Variants in TRIP4 observed in about 807,000 individuals in gnomAD.
The protein encoded by TRIP4 is thyroid hormone receptor interactor 4.
A neutral mutation model predicts 81.8 loss-of-function variants in TRIP4; 54 were observed. The ratio of observed to expected loss-of-function variants is 0.66; its 90% confidence interval spans 0.53 to 0.83. The LOEUF (loss-of-function observed/expected upper bound fraction) is 0.83. Among genes scored for constraint, TRIP4 ranks in the 40% least tolerant of loss-of-function variants. TRIP4 has a pLI of 0.00. For synonymous variants in TRIP4, 270 were observed against 242.8 expected, an observed-to-expected ratio of 1.11 and a Z score of -1.04; for missense variants, 662 against 683.6, an observed-to-expected ratio of 0.97 and a Z score of 0.35.
chr15:64,436,081 G>A (rs2140307991), intron 11 of TRIP4, among the ~76,000 whole-genome samples: 1 of 152,010 alleles, frequency 6.6e-6, no homozygotes, highest in East Asian at 1.9e-4. Flanking sequence ...GATCACCTGA[G>A]GTCAGGAGTT....
chr15:64,418,627 G>C lies in TRIP4; in HGVS notation c.1257G>C (p.Gln419His). ...TAGAGTTCAACTCATTTCAGCACCAGTTGCGAATCCAGGATCAAGAATTTC... is the reference window on the plus strand; with the variant it reads ...TAGAGTTCAACTCATTTCAGCACCACTTGCGAATCCAGGATCAAGAATTTC... Reference protein sequence around the residue: ...FGLEFNSFQHQLRIQDQEFQE... With the variant: ...FGLEFNSFQHHLRIQDQEFQE... Residue 419 changes from glutamine (Q) to histidine (H), a missense_variant, in exon 9 of 13, where the codon CAG becomes CAC. Coordinates refer to ENST00000261884, the MANE Select transcript of TRIP4 (RefSeq NM_016213.5). 3 of 1,613,954 alleles carry C rather than the reference G, an allele frequency of 1.9e-6. No individual in the cohort carries two copies. Among genetic ancestry groups the C allele is most frequent in the Non-Finnish European group, 1.7e-6 (2 of 1,180,034 alleles).
chr15:64,447,524 G>A (rs896164957), intron 12 of TRIP4, among the ~76,000 whole-genome samples: 7 of 152,318 alleles, frequency 4.6e-5, no homozygotes, highest in Admixed American at 3.9e-4. Context: ...AATGCTTAGA[G>A]TAGGAATTTA....
Position 64,409,774 on chromosome 15 carries a change from T to C in TRIP4, c.989T>C (p.Phe330Ser), listed in dbSNP as rs1891719075. The C allele has an allele frequency of 6.2e-7, 1 of 1,614,044 alleles. No individual in the cohort carries two copies. The highest frequency in any genetic ancestry group is 1.7e-5 in the Admixed American group (1 of 59,988). ...CTTTCTAAGAAGGTCACCATTGACT[T>C]TGCAGGAAGGAAGATCCTGGAAGAA... Reference protein sequence around the residue: ...SRLSKKVTIDFAGRKILEEEN... With the variant: ...SRLSKKVTIDSAGRKILEEEN... Residue 330 changes from phenylalanine (F) to serine (S), a missense_variant, in exon 7 of 13, where the codon TTT becomes TCT. Coordinates refer to ENST00000261884, the MANE Select transcript of TRIP4 (RefSeq NM_016213.5).
chr15:64,429,063 C>T (rs1331500692), intron 11 of TRIP4, among the ~76,000 whole-genome samples: 1 of 151,460 alleles, frequency 6.6e-6, no homozygotes, highest in Non-Finnish European at 1.5e-5. Flanking sequence ...GCCTATAATC[C>T]CAGCACTTTG....
chr15:64,413,434 A>G (rs927741628), intron 7 of TRIP4, among the ~76,000 whole-genome samples: 5 of 150,902 alleles, frequency 3.3e-5, no homozygotes, highest in African/African-American at 1.2e-4. Flanking sequence ...TCTTTGGCCT[A>G]TGATAGTGTT....
intron 11 of TRIP4, among the ~76,000 whole-genome samples, chr15:64,431,557 T>C (rs1161477324): frequency 6.6e-6 from 1 of 151,226 alleles, no homozygotes; most frequent in Non-Finnish European, 1.5e-5. Flanking sequence ...CAAAAAAAAA[T>C]TAGCTGGGTG....
chr15:64,394,118 A>T lies in TRIP4; in HGVS notation c.271+3A>T. ...GCAGCAGTGCTTCAAAAAAGATGGT[A>T]AGTTAATGTAATTATGCAAATGTTG... On this transcript the variant is annotated splice_donor_region_variant and intron_variant, in intron 2 of 12. Transcript: ENST00000261884. 6.3e-7 allele frequency: 1 copy of T among 1,578,948 alleles called. No individual in the cohort carries two copies. Among genetic ancestry groups the T allele is most frequent in the South Asian group, 1.2e-5 (1 of 84,986 alleles).
At chr15:64,433,426 CCT>C (rs1380638275) in intron 11 of TRIP4, among the ~76,000 whole-genome samples, 2 of 151,904 alleles carry the variant, frequency 1.3e-5, no homozygotes, top group Non-Finnish European at 2.9e-5. Context: ...CATAATGAAA[CCT>C]CATCTCTACT....
At chr15:64,428,604 A>G (rs992756469) in intron 11 of TRIP4, among the ~76,000 whole-genome samples, 3 of 151,684 alleles carry the variant, frequency 2.0e-5, no homozygotes, top group African/African-American at 7.3e-5. Flanking sequence ...ACTTTTTCCC[A>G]CTGTTTCTTT....
At position 64,394,086 on chromosome 15, in the gene TRIP4, A is replaced by G. The variant is rs1188523607; in HGVS notation, c.242A>G (p.Asp81Gly). The G allele has an allele frequency of 1.4e-5, 22 of 1,606,808 alleles. No individual in the cohort carries two copies. The highest frequency in any genetic ancestry group is 1.5e-5 in the Non-Finnish European group (18 of 1,176,906). The change falls in exon 2 of 13, where the codon GAT becomes GGT. Residue 81 changes from aspartate (D) to glycine (G), a missense_variant. Physicochemically the swap from Asp to Gly is moderately conservative, Grantham distance 94. Coordinates refer to ENST00000261884, the MANE Select transcript of TRIP4 (RefSeq NM_016213.5). ...WQKNDQELIS[D>G]PLQQCFKKDE... ...AAGAATGATCAGGAGTTGATTTCGG[A>G]TCCTTTGCAGCAGTGCTTCAAAAAA...
chr15:64,416,199 C>T (rs1321853828), intron 8 of TRIP4, among the ~76,000 whole-genome samples: 1 of 151,852 alleles, frequency 6.6e-6, no homozygotes, highest in African/African-American at 2.4e-5. Flanking sequence ...CCACCACACT[C>T]CAGCCTGGAT....
At chr15:64,428,770 G>C (rs1173375895) in intron 11 of TRIP4, among the ~76,000 whole-genome samples, 1 of 151,768 alleles carries the variant, frequency 6.6e-6, no homozygotes, top group African/African-American at 2.4e-5. Flanking sequence ...CACCACACCT[G>C]GCCATTTTTT....
intron 4 of TRIP4, among the ~76,000 whole-genome samples, chr15:64,399,842 G>C (rs1351206553): frequency 1.3e-5 from 2 of 151,714 alleles, no homozygotes; most frequent in African/African-American, 4.8e-5. Context: ...AGGCATGCTG[G>C]CTTATGTCTG....
chr15:64,400,921 T>A, intron 5 of TRIP4, 100 bp downstream of exon 5: 1 of 958,140 alleles, frequency 1.0e-6, no homozygotes, highest in Non-Finnish European at 1.6e-6. Flanking sequence ...AGATGCAGTT[T>A]ATTCACTCAT....
At chr15:64,393,924 A>T (rs1488051333) in intron 1 of TRIP4, 22 bp from the exon 2 acceptor site, 1 of 1,559,206 alleles carries the variant, frequency 6.4e-7, no homozygotes, top group East Asian at 2.3e-5. Context: ...TGTTTCAACA[A>T]CTTATATCTT....
chr15:64,426,445 G>A (rs1351303347), intron 11 of TRIP4, among the ~76,000 whole-genome samples: 1 of 152,072 alleles, frequency 6.6e-6, no homozygotes, highest in Admixed American at 6.6e-5. Context: ...TACACCTGCA[G>A]TCCCAGCACT....
At chr15:64,394,443 A>C (rs1378592445) in intron 2 of TRIP4, among the ~76,000 whole-genome samples, 1 of 152,196 alleles carries the variant, frequency 6.6e-6, no homozygotes, top group East Asian at 1.9e-4. Flanking sequence ...ATCTCTACTA[A>C]AAATACAAAA....
intron 7 of TRIP4, among the ~76,000 whole-genome samples, chr15:64,410,959 T>C (rs1381650973): frequency 6.6e-6 from 1 of 152,166 alleles, no homozygotes. Flanking sequence ...AATCAGGAAA[T>C]ACAGATTTTA....
intron 3 of TRIP4, 89 bp downstream of exon 3, chr15:64,395,620 C>A: frequency 1.4e-6 from 2 of 1,390,030 alleles, no homozygotes; most frequent in Non-Finnish European, 1.9e-6. Flanking sequence ...ACAAATTGGT[C>A]TAGAATGGCA....
Sources: gnomAD v4.1 joint callset for allele counts (sites outside exome capture counted in the v4.1 genomes callset) on GRCh38, gnomAD v4.1.1 for gene constraint, MANE v1.5 for transcripts, NCBI Gene and HGNC (gene_info 2026-07-23, HGNC 2026-07-21) for gene names.